ANKS1B: variants seen among roughly 807,000 people sequenced by gnomAD.
ANKS1B encodes ankyrin repeat and sterile alpha motif domain containing 1B, also known as ankyrin repeat and sterile alpha motif domain-containing protein 1B.
In ANKS1B, 36 loss-of-function variants were observed where a neutral mutation model predicts 148.3. The observed-to-expected ratio is 0.24, with a 90% CI of 0.19 to 0.32. The LOEUF (loss-of-function observed/expected upper bound fraction) is 0.32, where lower values mean the gene tolerates loss of function less well. Ranked by LOEUF, ANKS1B falls within the 10% of genes least tolerant of loss-of-function variation. The pLI is 1.00. For synonymous variants in ANKS1B, 542 were observed against 560.8 expected (o/e 0.97, Z 0.47); for missense variants, 1,157 against 1,542.6 (o/e 0.75, Z 4.19).
rs191957305 is a variant in ANKS1B, at chr12:99,471,168, G to A, written c.1439-27359C>T. On this transcript the variant is annotated intron_variant, in intron 10 of 26. Coordinates refer to ENST00000683438, the MANE Select transcript of ANKS1B (RefSeq NM_001352186.2). ...TCCTCTTTTTTTCTTAATACTCACA[G>A]CTAAACTTAACTGAAAGTAAAGTTT... is the stretch of plus-strand genomic sequence containing the variant. 3.0e-3 allele frequency among the ~76,000 whole-genome samples: 462 copies of A among 151,996 alleles called. 2 individuals carry two copies. Among genetic ancestry groups the A allele is most frequent in the Non-Finnish European group, 5.1e-3 (347 of 67,960 alleles).
chr12:99,364,570 C>A (rs1254952361), intron 12 of ANKS1B, among the ~76,000 whole-genome samples: 2 of 152,216 alleles, frequency 1.3e-5, no homozygotes, highest in Admixed American at 1.3e-4. Context: ...ACTCATGACA[C>A]TGCATCATCT....
intron 1 of ANKS1B, among the ~76,000 whole-genome samples, chr12:99,916,604 A>C (rs979159636): frequency 3.3e-5 from 5 of 152,222 alleles, no homozygotes; most frequent in Non-Finnish European, 1.5e-5. Context: ...GAAAGGGACA[A>C]AGAAAGCCCC....
intron 12 of ANKS1B, among the ~76,000 whole-genome samples, chr12:99,326,609 T>C (rs1602973129): frequency 1.3e-5 from 2 of 152,206 alleles, no homozygotes; most frequent in East Asian, 3.9e-4. Context: ...GTACAGGACT[T>C]GAGGGATGAA....
intron 12 of ANKS1B, among the ~76,000 whole-genome samples, chr12:99,318,109 T>C (rs2084501090): frequency 6.6e-6 from 1 of 152,210 alleles, no homozygotes; most frequent in South Asian, 2.1e-4. Context: ...TCATCAGGAA[T>C]ATTGGTCTAA....
intron 8 of ANKS1B, among the ~76,000 whole-genome samples, chr12:99,731,193 A>G (rs1306339355): frequency 6.6e-6 from 1 of 152,084 alleles, no homozygotes; most frequent in Admixed American, 6.6e-5. Flanking sequence ...ATCTCGGCTC[A>G]CCGCAACCTC....
chr12:99,623,200 A>G (rs979440000), intron 9 of ANKS1B, among the ~76,000 whole-genome samples: 1 of 152,030 alleles, frequency 6.6e-6, no homozygotes, highest in Non-Finnish European at 1.5e-5. Context: ...AAAATCTAAC[A>G]TCTCTTCATG....
chr12:99,645,457 G>A (rs866136354), intron 9 of ANKS1B, among the ~76,000 whole-genome samples: 2 of 152,100 alleles, frequency 1.3e-5, no homozygotes, highest in Admixed American at 6.6e-5. Flanking sequence ...TCACAAAACC[G>A]TAACTATTCT....
At chr12:99,280,927 ATACACACACACACACACACTCT>A in intron 12 of ANKS1B, among the ~76,000 whole-genome samples, 1 of 151,256 alleles carries the variant, frequency 6.6e-6, no homozygotes, top group Non-Finnish European at 1.5e-5. Flanking sequence ...ACGTGCGCAC[ATACACACACACACACACACTCT>A]CTCTCTCTCT....
At chr12:99,216,171 G>C (rs900389471) in intron 14 of ANKS1B, among the ~76,000 whole-genome samples, 6 of 152,164 alleles carry the variant, frequency 3.9e-5, no homozygotes, top group Non-Finnish European at 8.8e-5. Context: ...CACTTCGTTT[G>C]CCTTCTGTCA....
intron 9 of ANKS1B, among the ~76,000 whole-genome samples, chr12:99,595,558 G>T (rs1281002835): frequency 6.6e-6 from 1 of 151,822 alleles, no homozygotes; most frequent in African/African-American, 2.4e-5. Flanking sequence ...ACTCATTTTA[G>T]AAAATATAAA....
At chr12:99,720,235 C>T (rs1417291564) in intron 8 of ANKS1B, among the ~76,000 whole-genome samples, 3 of 152,224 alleles carry the variant, frequency 2.0e-5, no homozygotes, top group Non-Finnish European at 4.4e-5. Context: ...CGGGGATTTG[C>T]CCCTGCCCAG....
intron 12 of ANKS1B, among the ~76,000 whole-genome samples, chr12:99,280,766 G>A (rs1484547038): frequency 3.3e-5 from 5 of 152,038 alleles, no homozygotes; most frequent in Admixed American, 2.6e-4. Context: ...GCTCTCCTGG[G>A]TCTCCAGCTT....
chr12:99,147,266 G>A (rs2073453923), intron 15 of ANKS1B, among the ~76,000 whole-genome samples: 1 of 152,092 alleles, frequency 6.6e-6, no homozygotes, highest in Non-Finnish European at 1.5e-5. Flanking sequence ...AGTACGCTTA[G>A]AGCTAAAGGA....
chr12:99,398,142 C>T (rs1364862721), intron 12 of ANKS1B, among the ~76,000 whole-genome samples: 1 of 152,044 alleles, frequency 6.6e-6, no homozygotes, highest in Non-Finnish European at 1.5e-5. Context: ...TAATGACATG[C>T]TTTGATTTAC....
chr12:99,136,975 A>G (rs1451524817), intron 15 of ANKS1B, among the ~76,000 whole-genome samples: 2 of 152,186 alleles, frequency 1.3e-5, no homozygotes, highest in African/African-American at 4.8e-5. Flanking sequence ...ACGGCTAACC[A>G]GTCACAGGCA....
chr12:99,521,092 G>A (rs1342567787), intron 9 of ANKS1B, among the ~76,000 whole-genome samples: 1 of 152,054 alleles, frequency 6.6e-6, no homozygotes, highest in East Asian at 1.9e-4. Flanking sequence ...ACTGTTCCTG[G>A]TCTGACTGTG....
intron 17 of ANKS1B, among the ~76,000 whole-genome samples, chr12:98,889,111 T>C (rs965041940): frequency 6.6e-6 from 1 of 152,204 alleles, no homozygotes; most frequent in Admixed American, 6.5e-5. Flanking sequence ...TGAGTCACAG[T>C]ACAAATTCAA....
intron 14 of ANKS1B, among the ~76,000 whole-genome samples, chr12:99,214,466 T>A (rs1028304986): frequency 5.9e-5 from 9 of 152,138 alleles, no homozygotes; most frequent in African/African-American, 2.2e-4. Context: ...AGTTAATAAA[T>A]CTCACGAGAT....
intron 14 of ANKS1B, among the ~76,000 whole-genome samples, chr12:99,200,258 C>G (rs1230370332): frequency 6.6e-6 from 1 of 152,154 alleles, no homozygotes; most frequent in Non-Finnish European, 1.5e-5. Flanking sequence ...AATTTCAAAT[C>G]AGATAAAATA....
Sources: allele counts gnomAD v4.1 joint callset (sites outside exome capture counted in the v4.1 genomes callset), GRCh38; gene constraint gnomAD v4.1.1; transcripts MANE v1.5; gene names NCBI Gene and HGNC (gene_info 2026-07-23, HGNC 2026-07-21).